Variants in PCDH19 observed in about 807,000 individuals in gnomAD.
PCDH19 encodes protocadherin-19.
In PCDH19, 6 loss-of-function variants were observed where a neutral mutation model predicts 46.2. That is an observed-to-expected ratio of 0.13 (90% CI 0.07 to 0.26). The LOEUF is 0.26. PCDH19 is among the 10% of genes least tolerant of loss of function. The pLI, the probability that PCDH19 is intolerant of heterozygous loss-of-function variation, is 1.00. For missense variants in PCDH19, 740 were observed against 972.3 expected (o/e 0.76, Z 3.18); for synonymous variants, 481 against 415.7 (o/e 1.16, Z -1.91).
At chrX:100,356,921 G>T (rs1381540811) in intron 3 of PCDH19, among the ~76,000 whole-genome samples, 1 of 111,175 alleles carries the variant, frequency 9.0e-6, no homozygotes, top group Non-Finnish European at 1.9e-5. Context: ...ACCCTCTTGA[G>T]GCCTTAATTT....
Position 100,408,704 on chromosome X carries a change from G to A in PCDH19, c.-107C>T. 2 of 718,849 alleles carry A rather than the reference G, an allele frequency of 2.8e-6. No individual in the cohort carries two copies. The highest frequency in any genetic ancestry group is 2.0e-6 in the Non-Finnish European group (1 of 495,387). The allele number at this position is 718,849 out of a possible 1,213,427, so 59.2% of individuals were successfully genotyped here. A position where few individuals can be genotyped will look rare whatever the true frequency, so the allele number is the denominator to read the frequency against. On this transcript the variant is annotated 5_prime_UTR_variant, in exon 1 of 6. The change creates a new upstream start codon in the 5' untranslated region. Coordinates refer to ENST00000373034, the MANE Select transcript of PCDH19 (RefSeq NM_001184880.2). ...TCGGGCCGCCTGTTGCGCGCGCCCC[G>A]TGGCCCCGGAGGCCGCGGGAGAAGT... is the stretch of plus-strand genomic sequence containing the variant.
At chrX:100,382,667 A>T (rs1270868575) in intron 3 of PCDH19, among the ~76,000 whole-genome samples, 1 of 112,111 alleles carries the variant, frequency 8.9e-6, no homozygotes. Flanking sequence ...TAGCTAATGG[A>T]GATACCCAGC....
chrX:100,344,276 A>AAAAC (rs962776902), intron 4 of PCDH19, among the ~76,000 whole-genome samples: 148 of 112,262 alleles, frequency 1.3e-3, no homozygotes, highest in African/African-American at 4.7e-3. Context: ...CGTTCTTTAA[A>AAAAC]AAACAAACAA....
At chrX:100,390,322 T>A (rs1165490972) in intron 3 of PCDH19, among the ~76,000 whole-genome samples, 1 of 111,929 alleles carries the variant, frequency 8.9e-6, no homozygotes, top group Non-Finnish European at 1.9e-5. Flanking sequence ...AGGCAAATCA[T>A]CATAGAGGGC....
intron 3 of PCDH19, among the ~76,000 whole-genome samples, chrX:100,367,142 C>T (rs1320806712): frequency 2.7e-5 from 3 of 112,655 alleles, no homozygotes; most frequent in African/African-American, 6.4e-5. Flanking sequence ...TAGCTGTCCT[C>T]GACTGACTGT....
In PCDH19 at chrX:100,374,119, CT is replaced by C. The variant is rs749489953; in HGVS notation, c.2617-23416del. ...TATTTTAAAGTTTACACCCCTCACCCTTTTGATAATGCTGAGGCAATATCTT... is the reference window on the plus strand; with the variant it reads ...TATTTTAAAGTTTACACCCCTCACCCTTTGATAATGCTGAGGCAATATCTT... On this transcript the variant is annotated intron_variant, in intron 3 of 5. Transcript: ENST00000373034. Among the ~76,000 whole-genome samples the C allele has an allele frequency of 5.9e-3, 665 of 112,538 alleles. 4 individuals carry two copies. The highest frequency in any genetic ancestry group is 0.02 in the African/African-American group (633 of 31,041).
intron 4 of PCDH19, among the ~76,000 whole-genome samples, chrX:100,348,578 A>T (rs753266868): frequency 1.3e-4 from 14 of 111,483 alleles, no homozygotes; most frequent in South Asian, 1.1e-3. Context: ...GGTTTTATTT[A>T]AAAAAAAGAA....
chrX:100,378,161 C>T (rs1216553003), intron 3 of PCDH19, among the ~76,000 whole-genome samples: 1 of 112,720 alleles, frequency 8.9e-6, no homozygotes, highest in Non-Finnish European at 1.9e-5. Context: ...CAGAAGCCAT[C>T]CAAGAGAAAG....
Position 100,367,005 on chromosome X carries a change from T to C in PCDH19, c.2617-16301A>G, listed in dbSNP as rs773794509. ...TCCTGCACTGTTTAAGACTTCTGTT[T>C]GCACAAGGTGCAGGCAACCAGTAAT... On this transcript the variant is annotated intron_variant, in intron 3 of 5. Coordinates refer to ENST00000373034, the MANE Select transcript of PCDH19 (RefSeq NM_001184880.2). 4.2e-4 allele frequency among the ~76,000 whole-genome samples: 47 copies of C among 112,224 alleles called. 1 individual carries two copies. Among genetic ancestry groups the C allele is most frequent in the Non-Finnish European group, 5.4e-4 (29 of 53,268 alleles).
intron 5 of PCDH19, among the ~76,000 whole-genome samples, chrX:100,300,500 C>T (rs1208729290): frequency 1.8e-5 from 2 of 111,956 alleles, no homozygotes; most frequent in African/African-American, 6.5e-5. Flanking sequence ...TGACCTGATA[C>T]TTTGCTACAT....
intron 5 of PCDH19, among the ~76,000 whole-genome samples, chrX:100,319,730 T>C (rs924708502): frequency 1.8e-5 from 2 of 111,972 alleles, no homozygotes; most frequent in Non-Finnish European, 3.8e-5. Flanking sequence ...ACACAGGAAA[T>C]GGGCTAGTAG....
chrX:100,369,444 C>T (rs1023833720), intron 3 of PCDH19, among the ~76,000 whole-genome samples: 2 of 111,887 alleles, frequency 1.8e-5, no homozygotes, highest in Non-Finnish European at 3.8e-5. Context: ...AGTCTTTGGC[C>T]TTATACCTAA....
chrX:100,350,177 C>G (rs1363148308), intron 4 of PCDH19, among the ~76,000 whole-genome samples: 1 of 112,010 alleles, frequency 8.9e-6, no homozygotes, highest in African/African-American at 3.2e-5. Context: ...ACATGAAAAA[C>G]ATTTTTAAGG....
chrX:100,315,351 A>G lies in PCDH19; in HGVS notation c.2849-18476T>C, dbSNP rs1426150833. On this transcript the variant is annotated intron_variant, in intron 5 of 5. Transcript: ENST00000373034. ...GTCTTACATGTCTCTCAAATTATGA[A>G]TTTTGTGTTTACCCCACCAAAAAAC... Among the ~76,000 whole-genome samples, 46 of 112,398 alleles carry G rather than the reference A, an allele frequency of 4.1e-4. 2 individuals carry two copies. The highest frequency in any genetic ancestry group is 1.1e-4 in the Non-Finnish European group (6 of 53,286).
intron 3 of PCDH19, among the ~76,000 whole-genome samples, chrX:100,357,345 C>T (rs1926747918): frequency 9.0e-6 from 1 of 111,674 alleles, no homozygotes; most frequent in Non-Finnish European, 1.9e-5. Flanking sequence ...TGTACATAAC[C>T]CCCATCATAA....
At chrX:100,318,158 T>C (rs1251144694) in intron 5 of PCDH19, among the ~76,000 whole-genome samples, 4 of 111,977 alleles carry the variant, frequency 3.6e-5, no homozygotes, top group African/African-American at 1.3e-4. Context: ...TCTAAGACTA[T>C]GGGCTCTGGA....
intron 5 of PCDH19, among the ~76,000 whole-genome samples, chrX:100,332,883 T>C (rs1925918685): frequency 9.3e-6 from 1 of 107,693 alleles, no homozygotes; most frequent in Admixed American, 1.0e-4. Flanking sequence ...GCACCTATGG[T>C]CCCAGCTACT....
intron 4 of PCDH19, among the ~76,000 whole-genome samples, chrX:100,347,147 T>G (rs1489490214): frequency 3.6e-5 from 4 of 111,199 alleles, no homozygotes; most frequent in African/African-American, 1.3e-4. Flanking sequence ...CCATATCACT[T>G]CCTTTTCCCA....
intron 3 of PCDH19, among the ~76,000 whole-genome samples, chrX:100,351,692 C>T (rs1801838117): frequency 8.9e-6 from 1 of 112,293 alleles, no homozygotes; most frequent in South Asian, 3.7e-4. Context: ...TCCTTAGGAG[C>T]CTTCTGAAAT....
Sources: gnomAD v4.1 joint callset for allele counts (sites outside exome capture counted in the v4.1 genomes callset) on GRCh38, gnomAD v4.1.1 for gene constraint, MANE v1.5 for transcripts, NCBI Gene and HGNC (gene_info 2026-07-23, HGNC 2026-07-21) for gene names.